GGT7: variants seen among roughly 807,000 people sequenced by gnomAD.
The protein encoded by GGT7 is gamma-glutamyltransferase 7.
Under a neutral mutation model 69.2 loss-of-function variants are expected in GGT7, and 30 were observed. The ratio of observed to expected loss-of-function variants is 0.43; its 90% CI spans 0.32 to 0.59. GGT7 has a LOEUF of 0.59. Among genes scored for constraint, GGT7 ranks in the 20% least tolerant of loss-of-function variants. GGT7 has a pLI of 0.05. For synonymous variants in GGT7, 388 were observed against 391.8 expected (o/e 0.99, Z 0.12); for missense variants, 733 against 901.1 (o/e 0.81, Z 2.39).
rs1379061680 is a variant in GGT7, at chr20:34,863,562, G to T, written c.170-14C>A. On this transcript the variant is annotated splice_polypyrimidine_tract_variant and intron_variant, in intron 1 of 14. Transcript: ENST00000336431. This position sits in a 1 kb window ranked among gnomAD's most constrained non-coding sequence, Gnocchi z 4.4. Reference sequence around the variant, plus strand: ...AGGAGTCCGGGTCTGCGGGCAGGCAGCCGGGGTCGGTCTGGGCATCTCCTA... The same window carrying T: ...AGGAGTCCGGGTCTGCGGGCAGGCATCCGGGGTCGGTCTGGGCATCTCCTA... The T allele has an allele frequency of 3.3e-6, 5 of 1,535,660 alleles. No individual in the cohort carries two copies. The East Asian group carries it at 7.3e-5, about 22-fold the overall frequency.
At chr20:34,853,973 G>A (rs1261715335) in intron 10 of GGT7, among the ~76,000 whole-genome samples, 1 of 152,178 alleles carries the variant, frequency 6.6e-6, no homozygotes, top group East Asian at 1.9e-4. Flanking sequence ...GTCTCACTCT[G>A]TCACCCAGGC....
At chr20:34,866,269 T>C (rs1481175930) in intron 1 of GGT7, among the ~76,000 whole-genome samples, 1 of 152,244 alleles carries the variant, frequency 6.6e-6, no homozygotes, top group African/African-American at 2.4e-5. Context: ...TTACCACTTA[T>C]ATCTATTTCC....
intron 14 of GGT7, among the ~76,000 whole-genome samples, chr20:34,847,330 T>C (rs1052977606): frequency 6.6e-6 from 1 of 152,152 alleles, no homozygotes; most frequent in Non-Finnish European, 1.5e-5. Flanking sequence ...CTCCCCTCAA[T>C]CTACCTCCCC....
At chr20:34,868,191 C>G (rs2079724478) in intron 1 of GGT7, among the ~76,000 whole-genome samples, 1 of 152,138 alleles carries the variant, frequency 6.6e-6, no homozygotes, top group South Asian at 2.1e-4. Context: ...TTTGTTTTCT[C>G]CAGTCAGATA....
chr20:34,868,560 T>C (rs192456135), intron 1 of GGT7, among the ~76,000 whole-genome samples: 36 of 152,298 alleles, frequency 2.4e-4, no homozygotes, highest in Non-Finnish European at 4.4e-5. Context: ...TGGTATCTGC[T>C]TGGATACCAC....
chr20:34,848,969 G>A (rs1363913801), intron 14 of GGT7, among the ~76,000 whole-genome samples: 1 of 152,124 alleles, frequency 6.6e-6, no homozygotes, highest in Non-Finnish European at 1.5e-5. Flanking sequence ...TTAGAGGAAA[G>A]TCCGTCTCCT....
intron 14 of GGT7, among the ~76,000 whole-genome samples, chr20:34,846,309 TTTC>T (rs1226507919): frequency 5.6e-5 from 6 of 106,278 alleles, no homozygotes; most frequent in East Asian, 4.9e-4. Context: ...TCTTTCTTTC[TTTC>T]TTTTTTTTGA....
At chr20:34,861,757 T>G (rs78741118) in intron 3 of GGT7, among the ~76,000 whole-genome samples, 195 bp from the exon 4 acceptor site, 2 of 151,926 alleles carry the variant, frequency 1.3e-5, no homozygotes, top group Non-Finnish European at 2.9e-5. Context: ...ACCAAGAGGG[T>G]TGGAGACCCA....
rs144563652 is a variant in GGT7 at position 34,869,062 on chromosome 20, G to A, written c.169+3585C>T. On this transcript the variant is annotated intron_variant, in intron 1 of 14. Coordinates refer to ENST00000336431, the MANE Select transcript of GGT7 (RefSeq NM_178026.3). Reference sequence around the variant, plus strand: ...ATCCTGAACAAAATTGATTATACAAGTCCAGAGTTTAGGAGAGTGATCTTG... The same window carrying A: ...ATCCTGAACAAAATTGATTATACAAATCCAGAGTTTAGGAGAGTGATCTTG... Among the ~76,000 whole-genome samples, 57 of 152,216 alleles carry A rather than the reference G, an allele frequency of 3.7e-4. 1 individual carries two copies. Among genetic ancestry groups the A allele is most frequent in the African/African-American group, 1.3e-3 (56 of 41,538 alleles).
chr20:34,846,498 GGGGGTTTATCCATGTT>G (rs2079309507), intron 14 of GGT7, among the ~76,000 whole-genome samples: 1 of 151,122 alleles, frequency 6.6e-6, no homozygotes. Context: ...TTGTAGAGGT[GGGGGTTTATCCATGTT>G]GGTCAGGCTG....
intron 13 of GGT7, chr20:34,850,702 C>G (rs945078785): frequency 2.6e-6 from 1 of 383,190 alleles, no homozygotes; most frequent in Admixed American, 3.2e-5. Context: ...AATGCTCCAG[C>G]ATCACACAGT....
chr20:34,857,219 C>T (rs1332974492), intron 7 of GGT7, among the ~76,000 whole-genome samples: 3 of 152,182 alleles, frequency 2.0e-5, no homozygotes, highest in Non-Finnish European at 4.4e-5. Flanking sequence ...CCCCAGTGAG[C>T]TCTATGCAGC....
intron 5 of GGT7, 94 bp downstream of exon 5, chr20:34,860,160 G>C: frequency 9.5e-7 from 1 of 1,047,660 alleles, no homozygotes; most frequent in African/African-American, 1.6e-5. Context: ...TTAGGAGGGG[G>C]AGTTGGGAAA....
intron 10 of GGT7, among the ~76,000 whole-genome samples, chr20:34,853,962 A>G (rs1216278140): frequency 1.3e-5 from 2 of 152,164 alleles, no homozygotes; most frequent in Non-Finnish European, 2.9e-5. Flanking sequence ...TTGGAGACAA[A>G]GTCTCACTCT....
At chr20:34,846,449 T>A (rs56244533) in intron 14 of GGT7, among the ~76,000 whole-genome samples, 62,770 of 151,604 alleles carry the variant, frequency 0.41, 13,699 homozygotes, top group African/African-American at 0.54. Context: ...GATAACAGGC[T>A]TGCGCCACCA....
rs146970915 is a variant in GGT7 at position 34,851,707 on chromosome 20, C to T, written c.1588-339G>A. ...CTATGTGTCTTTGCCCTGCTGGGGC[C>T]CCAGATGGCGGGGTGTAAGAGTGCT... On this transcript the variant is annotated intron_variant, in intron 12 of 14. Transcript: ENST00000336431. 1.4e-3 allele frequency among the ~76,000 whole-genome samples: 216 copies of T among 152,248 alleles called. 1 individual carries two copies. Among genetic ancestry groups the T allele is most frequent in the African/African-American group, 5.0e-3 (207 of 41,546 alleles).
In GGT7 at chr20:34,863,848, G is replaced by C; in HGVS notation, c.170-300C>G. The C allele has an allele frequency of 6.8e-6, 4 of 584,476 alleles. No homozygotes were observed. The highest frequency in any genetic ancestry group is 2.4e-5 in the Admixed American group (1 of 41,048). The allele number at this position is 584,476 out of a possible 1,614,324, so 36.2% of individuals were successfully genotyped here. A position where few individuals can be genotyped will look rare whatever the true frequency, so the allele number is the denominator to read the frequency against. On this transcript the variant is annotated intron_variant, in intron 1 of 14. Coordinates refer to ENST00000336431, the MANE Select transcript of GGT7 (RefSeq NM_178026.3). This position sits in a 1 kb window ranked among gnomAD's most constrained non-coding sequence, Gnocchi z 4.4. ...GGCCCAGGGCTGAGAACACTTCCTGGGGGGTGGGGTGGGGGTTCCAGCCCT... is the reference window on the plus strand; with the variant it reads ...GGCCCAGGGCTGAGAACACTTCCTGCGGGGTGGGGTGGGGGTTCCAGCCCT...
Position 34,855,789 on chromosome 20 carries a change from C to CTGTGTGTGTGTGTG in GGT7, c.1103-880_1103-867dup, listed in dbSNP as rs3138662. On this transcript the variant is annotated intron_variant, in intron 8 of 14. Coordinates refer to ENST00000336431, the MANE Select transcript of GGT7 (RefSeq NM_178026.3). The stretch of plus-strand genomic sequence containing the variant: ...CGCTACGCTTGTTCTTTTTTCTTTT[C>CTGTGTGTGTGTGTG]TGTGTGTGTGTGTGTGTGTGTGTGT... 4.7e-3 allele frequency among the ~76,000 whole-genome samples: 681 copies of CTGTGTGTGTGTGTG among 144,138 alleles called. 5 individuals carry two copies. The highest frequency in any genetic ancestry group is 0.017 in the African/African-American group (648 of 38,198). The allele number at this position is 144,138 out of a possible 152,430, so 94.6% of individuals were successfully genotyped here. A position where few individuals can be genotyped will look rare whatever the true frequency, so the allele number is the denominator to read the frequency against.
chr20:34,851,838 C>G (rs1439276922), intron 12 of GGT7, among the ~76,000 whole-genome samples: 1 of 152,224 alleles, frequency 6.6e-6, no homozygotes, highest in Non-Finnish European at 1.5e-5. Flanking sequence ...TAGTCACAGA[C>G]CGCTAGTGCT....
Sources: allele counts gnomAD v4.1 joint callset (sites outside exome capture counted in the v4.1 genomes callset), GRCh38; gene constraint gnomAD v4.1.1; non-coding constraint Gnocchi (gnomAD v3.1); transcripts MANE v1.5; gene names NCBI Gene and HGNC (gene_info 2026-07-23, HGNC 2026-07-21).